The following ANKRD34B variants were observed in gnomAD, a reference collection of about 807,000 sequenced individuals.
ANKRD34B encodes ankyrin repeat domain 34B, also known as ankyrin repeat domain-containing protein 34B.
Under a neutral mutation model 4.4 loss-of-function variants are expected in ANKRD34B, and 2 were observed. The ratio of observed to expected loss-of-function variants is 0.46; its 90% CI spans 0.19 to 1.44. ANKRD34B has a LOEUF of 1.44. ANKRD34B is among the 40% of genes most tolerant of loss of function. ANKRD34B has a pLI of 0.26. For synonymous variants in ANKRD34B, 226 were observed against 227.1 expected, an observed-to-expected ratio of 0.99 and a Z score of 0.05; for missense variants, 558 against 604.7, an observed-to-expected ratio of 0.92 and a Z score of 0.81.
At chr5:80,560,157 C>T (rs1210872792) in intron 4 of ANKRD34B, 115 bp from the exon 5 acceptor site, 9 of 606,142 alleles carry the variant, frequency 1.5e-5, no homozygotes, top group Non-Finnish European at 2.5e-5. Context: ...TGGGATCATG[C>T]TATTAATAAA....
rs960094918 is a variant in ANKRD34B, at chr5:80,558,666, A to C, written c.1354T>G (p.Leu452Val). 1.2e-6 allele frequency: 2 copies of C among 1,614,144 alleles called. No individual in the cohort carries two copies. The highest frequency in any genetic ancestry group is 1.7e-6 in the Non-Finnish European group (2 of 1,180,004). Residue 452 changes from leucine to valine, a missense_variant, in exon 5 of 5, where the codon TTA becomes GTA. Transcript: ENST00000338682. ...TQTRQGFLPP[L>V]NVNSHPPISD... ...ATGGGAGGGTGAGAATTTACATTTA[A>C]GGGTGGGAGAAACCCTTGTCTGGTT...
chr5:80,563,472 G>A (rs1427431094), intron 4 of ANKRD34B, among the ~76,000 whole-genome samples: 1 of 152,086 alleles, frequency 6.6e-6, no homozygotes, highest in Non-Finnish European at 1.5e-5. Context: ...AGTCCTATTA[G>A]GTCTTCCTTT....
chr5:80,561,213 T>A (rs1350130716), intron 4 of ANKRD34B, among the ~76,000 whole-genome samples: 2 of 152,212 alleles, frequency 1.3e-5, no homozygotes, highest in Non-Finnish European at 2.9e-5. Context: ...CATTAGGTGG[T>A]AAGAATTATG....
At chr5:80,564,657 T>C (rs1418811357) in intron 3 of ANKRD34B, among the ~76,000 whole-genome samples, 2 of 151,816 alleles carry the variant, frequency 1.3e-5, no homozygotes, top group Non-Finnish European at 2.9e-5. Context: ...AGGTTGACTT[T>C]TTCCTCATTA....
At chr5:80,568,849 T>C (rs80139792) in intron 2 of ANKRD34B, 111 bp downstream of exon 2, 3,503 of 150,286 alleles carry the variant, frequency 0.023, 147 homozygotes, top group African/African-American at 0.083. Context: ...CTTTGGGGCA[T>C]CTATGCCCCA....
rs775652032 is a variant in ANKRD34B, at chr5:80,559,798, A to T, written c.222T>A (p.Asn74Lys). 6.2e-7 allele frequency: 1 copy of T among 1,614,192 alleles called. No homozygotes were observed. The highest frequency in any genetic ancestry group is 1.1e-5 in the South Asian group (1 of 91,082). The change falls in exon 5 of 5, where the codon AAT (asparagine) becomes AAA (lysine). Residue 74 changes from asparagine to lysine, a missense_variant. Transcript: ENST00000338682. ...AKMVKYLLEN[N>K]ADPNIQDKSG... The stretch of plus-strand genomic sequence containing the variant: ...ATTTGTCCTGTATGTTGGGATCGGC[A>T]TTGTTCTCTAACAGGTATTTCACCA...
chr5:80,565,761 G>GT lies in ANKRD34B; in HGVS notation c.-105+927dup, dbSNP rs554979475. Reference sequence around the variant, plus strand: ...TAACAGATAAAATACTGGAAATGTTGTTTTTTAAGGATCTCATATTTCTAA... The same window carrying GT: ...TAACAGATAAAATACTGGAAATGTTGTTTTTTTAAGGATCTCATATTTCTAA... On this transcript the variant is annotated intron_variant, in intron 3 of 4. Coordinates refer to ENST00000338682, the MANE Select transcript of ANKRD34B (RefSeq NM_001004441.3). 3.2e-3 allele frequency among the ~76,000 whole-genome samples: 485 copies of GT among 152,238 alleles called. 2 individuals carry two copies. Among genetic ancestry groups the GT allele is most frequent in the Non-Finnish European group, 5.3e-3 (363 of 68,010 alleles).
Position 80,570,177 on chromosome 5 carries a change from G to A in ANKRD34B, c.-362C>T, listed in dbSNP as rs1051942758. 11 of 152,410 alleles carry A rather than the reference G, an allele frequency of 7.2e-5. No individual in the cohort carries two copies. Among genetic ancestry groups the A allele is most frequent in the African/African-American group, 2.7e-4 (11 of 41,476 alleles). 9.4% of individuals were successfully genotyped at this position (152,410 alleles called of 1,614,324 possible). ...ACCTGGGACGCGCTGTCGAGTTGGCGGCGGCGCTTTCAAACCTCTCTCCGG... is the reference window on the plus strand; with the variant it reads ...ACCTGGGACGCGCTGTCGAGTTGGCAGCGGCGCTTTCAAACCTCTCTCCGG... On this transcript the variant is annotated 5_prime_UTR_variant, in exon 1 of 5. Coordinates refer to ENST00000338682, the MANE Select transcript of ANKRD34B (RefSeq NM_001004441.3).
intron 4 of ANKRD34B, among the ~76,000 whole-genome samples, chr5:80,562,831 C>T (rs939388056): frequency 1.3e-5 from 2 of 152,194 alleles, no homozygotes; most frequent in Non-Finnish European, 1.5e-5. Context: ...ACGCAAGCCT[C>T]ATTTGTGTGT....
intron 4 of ANKRD34B, among the ~76,000 whole-genome samples, chr5:80,563,386 T>C (rs1387931254): frequency 3.3e-5 from 5 of 152,222 alleles, no homozygotes; most frequent in African/African-American, 4.8e-5. Context: ...TATTTACTTA[T>C]TGTAAAATAG....
In ANKRD34B at chr5:80,558,201, T is replaced by A. The variant is rs573884108; in HGVS notation, c.*274A>T. 150 of 209,370 alleles carry A rather than the reference T, an allele frequency of 7.2e-4. No individual in the cohort carries two copies. The highest frequency in any genetic ancestry group is 1.1e-3 in the Non-Finnish European group (120 of 106,640). The allele number at this position is 209,370 out of a possible 1,614,324, so 13.0% of individuals were successfully genotyped here. A position where few individuals can be genotyped will look rare whatever the true frequency, so the allele number is the denominator to read the frequency against. ...TGGCCTTCTTTCTTTGATTTTTTTTTAATGACAAATTTGGACTACATGGAG... is the reference window on the plus strand; with the variant it reads ...TGGCCTTCTTTCTTTGATTTTTTTTAAATGACAAATTTGGACTACATGGAG... On this transcript the variant is annotated 3_prime_UTR_variant, in exon 5 of 5. Coordinates refer to ENST00000338682, the MANE Select transcript of ANKRD34B (RefSeq NM_001004441.3).
chr5:80,559,594 C>T lies in ANKRD34B; in HGVS notation c.426G>A (p.Lys142=). The T allele has an allele frequency of 2.5e-6, 4 of 1,614,188 alleles. No individual in the cohort carries two copies. Among genetic ancestry groups the T allele is most frequent in the South Asian group, 1.1e-5 (1 of 91,090 alleles). ...ETLKVLLSAC[K]AKGKEVIIIT... is the part of the protein sequence containing the mutation. ...TGATGATGACCTCTTTCCCTTTTGCCTTGCAAGCACTAAGAAGAACTTTCA... is the reference window on the plus strand; with the variant it reads ...TGATGATGACCTCTTTCCCTTTTGCTTTGCAAGCACTAAGAAGAACTTTCA... Residue 142 remains lysine (K), a synonymous_variant, in exon 5 of 5, where the codon AAG becomes AAA. Coordinates refer to ENST00000338682, the MANE Select transcript of ANKRD34B (RefSeq NM_001004441.3).
chr5:80,559,978 C>T lies in ANKRD34B; in HGVS notation c.42G>A (p.Leu14=), dbSNP rs151166785. The T allele has an allele frequency of 1.5e-5, 24 of 1,600,936 alleles. No individual in the cohort carries two copies. In the African/African-American group the frequency reaches 2.3e-4, roughly 15 times the overall value. ...GCCGGCTCTGATGGACTGCTTTGAT[C>T]AAGGAATTTCCTTCACTTGAAATTT... ...GMEISSEGNS[L]IKAVHQSRLR... Residue 14 remains leucine, a synonymous_variant, in exon 5 of 5, where the codon TTG becomes TTA. Coordinates refer to ENST00000338682, the MANE Select transcript of ANKRD34B (RefSeq NM_001004441.3).
Position 80,569,092 on chromosome 5 carries a change from A to C in ANKRD34B, c.-323T>G, listed in dbSNP as rs1746674780. 6.6e-6 allele frequency: 1 copy of C among 152,258 alleles called. No individual in the cohort carries two copies. The highest frequency in any genetic ancestry group is 2.4e-5 in the African/African-American group (1 of 41,448). 9.4% of individuals were successfully genotyped at this position (152,258 alleles called of 1,614,324 possible). On this transcript the variant is annotated 5_prime_UTR_variant, in exon 2 of 5. Transcript: ENST00000338682. ...CTCAGTTTTTCCTGAGAGCAGGAGG[A>C]AGCGAGCTCAAGGCGCTGTCGGAGA... is the stretch of plus-strand genomic sequence containing the variant.
Position 80,559,402 on chromosome 5 carries a change from C to T in ANKRD34B, c.618G>A (p.Leu206=), listed in dbSNP as rs144219255. The change falls in exon 5 of 5, where the codon CTG becomes CTA. Residue 206 remains leucine, a synonymous_variant. Coordinates refer to ENST00000338682, the MANE Select transcript of ANKRD34B (RefSeq NM_001004441.3). ...CAAGATCTTTAAAGCCAAAAAGCGT[C>T]AGTTCCGTTTCAGAAGAATGTGAAA... ...SPLSHSSETE[L]TLFGFKDLEL... The T allele has an allele frequency of 3.7e-6, 6 of 1,614,196 alleles. No homozygotes were observed. Among genetic ancestry groups the T allele is most frequent in the Non-Finnish European group, 4.2e-6 (5 of 1,180,038 alleles).
rs1276219262 is a variant in ANKRD34B, at chr5:80,558,007, C to G, written c.*468G>C. On this transcript the variant is annotated 3_prime_UTR_variant, in exon 5 of 5. Transcript: ENST00000338682. The stretch of plus-strand genomic sequence containing the variant: ...TTCTTTGTAGCTCGAGTTTTTTTAT[C>G]TTAGAACATTTTACAGCTGTCGGTG... The G allele has an allele frequency of 1.3e-5, 2 of 152,120 alleles. No individual in the cohort carries two copies. The highest frequency in any genetic ancestry group is 4.8e-5 in the African/African-American group (2 of 41,392). The allele number at this position is 152,120 out of a possible 1,614,324, so 9.4% of individuals were successfully genotyped here. A position where few individuals can be genotyped will look rare whatever the true frequency, so the allele number is the denominator to read the frequency against.
chr5:80,558,589 T>C lies in ANKRD34B; in HGVS notation c.1431A>G (p.Gln477=). The C allele has an allele frequency of 1.2e-6, 2 of 1,614,140 alleles. No homozygotes were observed. Among genetic ancestry groups the C allele is most frequent in the Non-Finnish European group, 1.7e-6 (2 of 1,179,970 alleles). Residue 477 remains glutamine (Q), a synonymous_variant, in exon 5 of 5, where the codon CAA becomes CAG. Coordinates refer to ENST00000338682, the MANE Select transcript of ANKRD34B (RefSeq NM_001004441.3). ...NKICSLLSCG[Q]KVLMPTVPIF... The stretch of plus-strand genomic sequence containing the variant: ...TCGGAACTGTTGGCATAAGCACTTT[T>C]TGACCACAAGAAAGAAGGCTGCAAA...
rs1291798049 is a variant in ANKRD34B, at chr5:80,556,757, A to G, written c.*1718T>C. Reference sequence around the variant, plus strand: ...TAAATAAAAATCAGTAACCAAAATGATATTTAAAATCTTTATTGATACCAT... The same window carrying G: ...TAAATAAAAATCAGTAACCAAAATGGTATTTAAAATCTTTATTGATACCAT... On this transcript the variant is annotated 3_prime_UTR_variant, in exon 5 of 5. Transcript: ENST00000338682. The G allele has an allele frequency of 6.6e-6, 1 of 152,654 alleles. No individual in the cohort carries two copies. The highest frequency in any genetic ancestry group is 1.5e-5 in the Non-Finnish European group (1 of 68,044). 9.5% of individuals were successfully genotyped at this position (152,654 alleles called of 1,614,324 possible). A position where few individuals can be genotyped will look rare whatever the true frequency, so the allele number is the denominator to read the frequency against.
intron 2 of ANKRD34B, 35 bp downstream of exon 2, chr5:80,568,925 C>CACAGAGAGAGAGAGAGAGAGAG: frequency 4.0e-5 from 2 of 49,850 alleles, no homozygotes; most frequent in Non-Finnish European, 7.8e-5. Flanking sequence ...CACACACACA[C>CACAGAGAGAGAGAGAGAGAGAG]AGAGAGAGAG....
Sources: allele counts gnomAD v4.1 joint callset (sites outside exome capture counted in the v4.1 genomes callset), GRCh38; gene constraint gnomAD v4.1.1; transcripts MANE v1.5; gene names NCBI Gene and HGNC (gene_info 2026-07-23, HGNC 2026-07-21).